NTRK3: variants seen among roughly 807,000 people sequenced by gnomAD.
The protein encoded by NTRK3 is neurotrophic receptor tyrosine kinase 3, also known as NT-3 growth factor receptor.
NTRK3 carries 24 observed loss-of-function variants against 91.7 expected under a neutral mutation model. The observed-to-expected ratio is 0.26, with a 90% CI of 0.19 to 0.37. The LOEUF (loss-of-function observed/expected upper bound fraction) is 0.37, where lower values mean the gene tolerates loss of function less well. Among genes scored for constraint, NTRK3 ranks in the 10% least tolerant of loss-of-function variants. NTRK3 has a pLI of 1.00. For missense variants in NTRK3, 880 were observed against 1,068.9 expected, an observed-to-expected ratio of 0.82 and a Z score of 2.46; for synonymous variants, 483 against 404.0, an observed-to-expected ratio of 1.20 and a Z score of -2.34.
Position 88,237,526 on chromosome 15 carries a change from G to C in NTRK3, c.248+18380C>G, listed in dbSNP as rs551881949. On this transcript the variant is annotated intron_variant, in intron 3 of 18. Transcript: ENST00000394480. This position sits in a 1 kb window ranked among gnomAD's most constrained non-coding sequence, Gnocchi z 4.0. ...ATAATTAGTTAATTAATTCATAAGA[G>C]AGCTAGAAATCATGCACTTTATATA... is the stretch of plus-strand genomic sequence containing the variant. Among the ~76,000 whole-genome samples the C allele has an allele frequency of 2.6e-5, 4 of 152,306 alleles. No individual in the cohort carries two copies. The highest frequency in any genetic ancestry group is 5.9e-5 in the Non-Finnish European group (4 of 68,032).
At chr15:87,914,088 G>A (rs770555371) in intron 17 of NTRK3, among the ~76,000 whole-genome samples, 19 of 152,164 alleles carry the variant, frequency 1.2e-4, no homozygotes, top group Non-Finnish European at 1.0e-4. Context: ...GCTGGATGTC[G>A]TTGATTATTT....
At chr15:88,043,840 G>C (rs1477555372) in intron 13 of NTRK3, among the ~76,000 whole-genome samples, 1 of 152,128 alleles carries the variant, frequency 6.6e-6, no homozygotes, top group Admixed American at 6.6e-5. Context: ...GGGTCTTATA[G>C]GCACTGGCTG....
chr15:88,104,231 T>C (rs1325827469), intron 13 of NTRK3, among the ~76,000 whole-genome samples: 1 of 152,254 alleles, frequency 6.6e-6, no homozygotes, highest in Non-Finnish European at 1.5e-5. Flanking sequence ...GACTTTTCAC[T>C]GCATGCAGGT....
chr15:88,238,145 A>ATT (rs1312713281), intron 3 of NTRK3, among the ~76,000 whole-genome samples: 2 of 152,152 alleles, frequency 1.3e-5, no homozygotes, highest in Non-Finnish European at 2.9e-5. Context: ...CCTCAGAAGA[A>ATT]ACCAACCCTG....
intron 3 of NTRK3, among the ~76,000 whole-genome samples, chr15:88,212,418 A>AT (rs2141438211): frequency 6.6e-6 from 1 of 152,296 alleles, no homozygotes; most frequent in Admixed American, 6.5e-5. Context: ...TTTCTTCAGC[A>AT]TGTCTCTGAA....
chr15:88,166,236 C>T (rs2044928820), intron 5 of NTRK3, among the ~76,000 whole-genome samples: 1 of 152,200 alleles, frequency 6.6e-6, no homozygotes. Flanking sequence ...TCATAAATCA[C>T]AATCCTCGTC....
At chr15:88,025,637 T>C (rs1368311177) in intron 14 of NTRK3, among the ~76,000 whole-genome samples, 1 of 152,140 alleles carries the variant, frequency 6.6e-6, no homozygotes, top group African/African-American at 2.4e-5. Context: ...AAAGGAAGGA[T>C]TGATTCCCTT....
intron 6 of NTRK3, among the ~76,000 whole-genome samples, chr15:88,140,033 T>G (rs2042244391): frequency 6.6e-6 from 1 of 151,944 alleles, no homozygotes; most frequent in Non-Finnish European, 1.5e-5. Flanking sequence ...ACAGAAAATG[T>G]GTCAAGGAGT....
At chr15:87,882,354 T>G (rs886896729) in intron 17 of NTRK3, among the ~76,000 whole-genome samples, 1 of 152,132 alleles carries the variant, frequency 6.6e-6, no homozygotes, top group Non-Finnish European at 1.5e-5. Context: ...GAATACATAT[T>G]CTAGAAAAAC....
chr15:87,897,681 A>G (rs921434172), intron 17 of NTRK3, among the ~76,000 whole-genome samples: 2 of 152,210 alleles, frequency 1.3e-5, no homozygotes, highest in African/African-American at 4.8e-5. Flanking sequence ...GAAAAATCTG[A>G]CCCTGCATAG....
At chr15:87,867,832 G>A (rs1016472203) in exon 19 of NTRK3, 4 of 227,036 alleles carry the variant, frequency 1.8e-5, no homozygotes, top group African/African-American at 8.9e-5. Context: ...AACAAATTCA[G>A]TACCATTTCC....
At chr15:87,950,789 A>T (rs1001811674) in intron 14 of NTRK3, among the ~76,000 whole-genome samples, 12 of 152,126 alleles carry the variant, frequency 7.9e-5, no homozygotes, top group African/African-American at 2.9e-4. Context: ...TCTTCCTCTC[A>T]CCTGCTCTCT....
intron 3 of NTRK3, among the ~76,000 whole-genome samples, chr15:88,196,786 G>A (rs1339403130): frequency 2.0e-5 from 3 of 152,138 alleles, no homozygotes; most frequent in Non-Finnish European, 4.4e-5. Context: ...CCATTCACAT[G>A]ACTTCAATTA....
chr15:87,871,456 AC>A (rs2064825609), exon 19 of NTRK3: 1 of 229,944 alleles, frequency 4.3e-6, no homozygotes, highest in African/African-American at 2.2e-5. Context: ...TCTCTGTCTC[AC>A]CCCTCCTAGG....
At chr15:88,043,122 T>C (rs930841030) in intron 13 of NTRK3, among the ~76,000 whole-genome samples, 19 of 152,144 alleles carry the variant, frequency 1.2e-4, no homozygotes, top group African/African-American at 4.6e-4. Context: ...CAGAAATTCA[T>C]AGCACAGGAA....
intron 13 of NTRK3, among the ~76,000 whole-genome samples, chr15:88,104,806 G>C (rs540718374): frequency 6.6e-6 from 1 of 152,334 alleles, no homozygotes; most frequent in Non-Finnish European, 1.5e-5. Context: ...ATGGAAAGGA[G>C]AACAGAGGGG....
At position 88,183,678 on chromosome 15, in the gene NTRK3, C is replaced by T. The variant is rs776058495; in HGVS notation, c.324-189G>A. Reference sequence around the variant, plus strand: ...CTCAGTGGAGGCACCTGGGCTCACACGCCCCAGGGCCCCGTGAGGCTGGGA... The same window carrying T: ...CTCAGTGGAGGCACCTGGGCTCACATGCCCCAGGGCCCCGTGAGGCTGGGA... On this transcript the variant is annotated intron_variant, in intron 4 of 18. Coordinates refer to ENST00000394480, the Ensembl canonical transcript of NTRK3. Among the ~76,000 whole-genome samples the T allele has an allele frequency of 3.6e-4, 55 of 152,318 alleles. 1 individual carries two copies. Among genetic ancestry groups the T allele is most frequent in the Admixed American group, 6.5e-4 (10 of 15,302 alleles).
At chr15:88,213,364 G>C (rs542523552) in intron 3 of NTRK3, among the ~76,000 whole-genome samples, 14 of 152,264 alleles carry the variant, frequency 9.2e-5, no homozygotes, top group African/African-American at 3.4e-4. Flanking sequence ...TATCCTTGCA[G>C]CCTGAATAAA....
intron 17 of NTRK3, among the ~76,000 whole-genome samples, chr15:87,888,667 A>T (rs1198126555): frequency 6.6e-6 from 1 of 152,234 alleles, no homozygotes; most frequent in African/African-American, 2.4e-5. Context: ...CAGATTAAAC[A>T]CAGGATGCCC....
Sources: gnomAD v4.1 joint callset for allele counts (sites outside exome capture counted in the v4.1 genomes callset) on GRCh38, gnomAD v4.1.1 for gene constraint, Gnocchi (gnomAD v3.1) non-coding constraint, MANE v1.5 for transcripts, NCBI Gene and HGNC (gene_info 2026-07-23, HGNC 2026-07-21) for gene names.